Variants in TRIM16 observed in about 807,000 individuals in gnomAD.
TRIM16 encodes tripartite motif-containing protein 16.
TRIM16 carries 33 observed loss-of-function variants against 50.4 expected under a neutral mutation model. That is an observed-to-expected ratio of 0.65 (90% CI 0.50 to 0.88). The LOEUF (loss-of-function observed/expected upper bound fraction) is 0.88, where lower values mean the gene tolerates loss of function less well. Ranked by LOEUF, TRIM16 falls within the 40% of genes least tolerant of loss-of-function variation. TRIM16 has a pLI of 0.00. For synonymous variants in TRIM16, 229 were observed against 270.7 expected (o/e 0.85, Z 1.51); for missense variants, 581 against 686.8 (o/e 0.85, Z 1.72).
chr17:15,677,571 T>G lies in TRIM16; in HGVS notation c.-443+4A>C. ...CAATCTGGGGTGGAAGGACCCAAGC[T>G]CACCCAAGGAGACCAGGTTCCTATA... is the stretch of plus-strand genomic sequence containing the variant. On this transcript the variant is annotated splice_donor_region_variant and intron_variant, in intron 5 of 11. Transcript: ENST00000649191. 1 of 1,051,766 alleles carries G rather than the reference T, an allele frequency of 9.5e-7. No homozygotes were observed. The highest frequency in any genetic ancestry group is 1.2e-6 in the Non-Finnish European group (1 of 862,674). 65.2% of individuals were successfully genotyped at this position (1,051,766 alleles called of 1,614,324 possible). A position where few individuals can be genotyped will look rare whatever the true frequency, so the allele number is the denominator to read the frequency against.
chr17:15,666,981 C>T (rs28431306), intron 6 of TRIM16, among the ~76,000 whole-genome samples: 101,973 of 151,792 alleles, frequency 0.67, 34,488 homozygotes, highest in South Asian at 0.78. Flanking sequence ...CTTGGGGGGG[C>T]GGTGGATGGA....
intron 4 of TRIM16, among the ~76,000 whole-genome samples, chr17:15,678,944 C>A (rs1035817248): frequency 1.3e-4 from 19 of 150,034 alleles, no homozygotes; most frequent in Non-Finnish European, 2.2e-4. Flanking sequence ...ACGATGCTCT[C>A]GGCTTACCGC....
Position 15,633,504 on chromosome 17 carries a change from G to A in TRIM16, c.850-830C>T, listed in dbSNP as rs140010731. Among the ~76,000 whole-genome samples the A allele has an allele frequency of 4.5e-3, 662 of 148,688 alleles. 40 individuals carry two copies. In the Middle Eastern group the frequency reaches 0.052, roughly 12 times the overall value. On this transcript the variant is annotated intron_variant, in intron 9 of 11. Transcript: ENST00000649191. The stretch of plus-strand genomic sequence containing the variant: ...TTTGAATGCCTAACCAAAAATTTGG[G>A]GGAAAACGTTATCTTTTGCCAAAAT...
intron 6 of TRIM16, among the ~76,000 whole-genome samples, chr17:15,673,866 T>A (rs73978508): frequency 0.023 from 3,502 of 152,220 alleles, 135 homozygotes; most frequent in African/African-American, 0.079. Flanking sequence ...ACCATTTTTT[T>A]AAAAATGTTT....
intron 6 of TRIM16, among the ~76,000 whole-genome samples, chr17:15,654,800 C>G (rs573326289): frequency 6.6e-6 from 1 of 152,234 alleles, no homozygotes; most frequent in African/African-American, 2.4e-5. Context: ...TAAAAGGTAA[C>G]CAGACTATTT....
Position 15,665,284 on chromosome 17 carries a change from G to A in TRIM16, c.-338+11892C>T, listed in dbSNP as rs1436228985. 2.6e-5 allele frequency among the ~76,000 whole-genome samples: 4 copies of A among 152,182 alleles called. No homozygotes were observed. The South Asian group carries it at 6.2e-4, about 24-fold the overall frequency. ...TCCCAGCACTTTGGGAGGCTGCGGC[G>A]GGCAGATCACGAGGTCAGATCGAGA... On this transcript the variant is annotated intron_variant, in intron 6 of 11. Transcript: ENST00000649191.
chr17:15,682,897 A>G lies in TRIM16; in HGVS notation c.-722T>C. The G allele has an allele frequency of 6.7e-7, 1 of 1,482,248 alleles. No homozygotes were observed. The highest frequency in any genetic ancestry group is 1.4e-5 in the African/African-American group (1 of 70,942). 91.8% of individuals were successfully genotyped at this position (1,482,248 alleles called of 1,614,324 possible). On this transcript the variant is annotated 5_prime_UTR_variant, in exon 3 of 12. Transcript: ENST00000649191. ...CATAAATCAGTATTCACAGATGAGG[A>G]AACTGTTAACTTGCCCAAGTTCTCT...
chr17:15,634,181 T>G (rs1481735399), intron 9 of TRIM16, among the ~76,000 whole-genome samples: 1 of 147,646 alleles, frequency 6.8e-6, no homozygotes, highest in Non-Finnish European at 1.5e-5. Context: ...TACAAAAAAT[T>G]AGCCGGGCGC....
At chr17:15,644,752 G>A (rs1411895593) in intron 7 of TRIM16, among the ~76,000 whole-genome samples, 1 of 152,104 alleles carries the variant, frequency 6.6e-6, no homozygotes, top group African/African-American at 2.4e-5. Context: ...GGGGTTCTAA[G>A]AGCTGTCGGG....
intron 7 of TRIM16, among the ~76,000 whole-genome samples, chr17:15,645,189 G>C (rs1376650726): frequency 6.6e-6 from 1 of 152,110 alleles, no homozygotes; most frequent in East Asian, 1.9e-4. Flanking sequence ...TAAAGTGTTT[G>C]CTTCATAGGA....
intron 4 of TRIM16, among the ~76,000 whole-genome samples, chr17:15,678,567 A>AAAG: frequency 6.6e-6 from 1 of 152,140 alleles, no homozygotes; most frequent in Non-Finnish European, 1.5e-5. Context: ...GTGAGTTTGG[A>AAAG]AGCCATATGG....
Position 15,651,480 on chromosome 17 carries a change from C to A in TRIM16, c.130G>T (p.Asp44Tyr), listed in dbSNP as rs745664752. ...CCAAGCTTCTCCGAGGAGCCCACGT[C>A]CTCTTCTTCCACTGGGCTGGCTGAC... ...SGSASPVEEE[D>Y]VGSSEKLGRE... Residue 44 changes from aspartate (D) to tyrosine (Y), a missense_variant, in exon 7 of 12, where the codon GAC becomes TAC. By Grantham distance (160) the Asp-to-Tyr change is radical. Coordinates refer to ENST00000649191, the MANE Select transcript of TRIM16 (RefSeq NM_001348119.1). 4.3e-6 allele frequency: 7 copies of A among 1,611,772 alleles called. No individual in the cohort carries two copies. Among genetic ancestry groups the A allele is most frequent in the Non-Finnish European group, 5.9e-6 (7 of 1,178,578 alleles).
At chr17:15,650,393 G>A (rs948602650) in intron 7 of TRIM16, among the ~76,000 whole-genome samples, 2 of 152,152 alleles carry the variant, frequency 1.3e-5, no homozygotes, top group African/African-American at 2.4e-5. Context: ...AAAGAAAAAC[G>A]ACTTGTTCTA....
intron 8 of TRIM16, among the ~76,000 whole-genome samples, chr17:15,640,993 G>A (rs1987088815): frequency 6.7e-6 from 1 of 148,172 alleles, no homozygotes; most frequent in Non-Finnish European, 1.5e-5. Flanking sequence ...ATAGAAGCAC[G>A]ATACCATGAG....
At chr17:15,631,326 C>A (rs1158164063) in intron 11 of TRIM16, among the ~76,000 whole-genome samples, 1 of 152,078 alleles carries the variant, frequency 6.6e-6, no homozygotes, top group Non-Finnish European at 1.5e-5. Context: ...AATGTTATTC[C>A]CTGGTTTTCA....
At chr17:15,634,384 C>T (rs1486833790) in intron 9 of TRIM16, among the ~76,000 whole-genome samples, 2 of 147,666 alleles carry the variant, frequency 1.4e-5, no homozygotes, top group East Asian at 4.1e-4. Flanking sequence ...AATCGCAACA[C>T]TTTGGGAGGC....
intron 7 of TRIM16, 144 bp downstream of exon 7, chr17:15,650,947 C>T: frequency 8.3e-7 from 1 of 1,201,494 alleles, no homozygotes; most frequent in Non-Finnish European, 1.1e-6. Context: ...TACACTGACC[C>T]AGCAGGCAGA....
intron 6 of TRIM16, among the ~76,000 whole-genome samples, chr17:15,655,426 G>A (rs1987927951): frequency 6.6e-6 from 1 of 151,854 alleles, no homozygotes; most frequent in African/African-American, 2.4e-5. Flanking sequence ...GCTTCTCTAT[G>A]GCTAACCCTT....
intron 6 of TRIM16, among the ~76,000 whole-genome samples, chr17:15,661,364 C>A (rs1267129280): frequency 1.3e-5 from 2 of 152,200 alleles, no homozygotes; most frequent in African/African-American, 4.8e-5. Context: ...AGCTGTGAGA[C>A]AAGGAGCTGG....
Sources: allele counts gnomAD v4.1 joint callset (sites outside exome capture counted in the v4.1 genomes callset), GRCh38; gene constraint gnomAD v4.1.1; transcripts MANE v1.5; gene names NCBI Gene and HGNC (gene_info 2026-07-23, HGNC 2026-07-21).